CNTNAP5: variants seen among roughly 807,000 people sequenced by gnomAD.
The protein encoded by CNTNAP5 is contactin-associated protein-like 5.
In CNTNAP5, 72 loss-of-function variants were observed where a neutral mutation model predicts 150.2. That is an observed-to-expected ratio of 0.48 (90% confidence interval 0.40 to 0.58). CNTNAP5 has a LOEUF of 0.58. Ranked by LOEUF, CNTNAP5 falls within the 20% of genes least tolerant of loss-of-function variation. The pLI is 0.00. For missense variants in CNTNAP5, 1,636 were observed against 1,626.2 expected (o/e 1.01, Z -0.10); for synonymous variants, 672 against 619.8 (o/e 1.08, Z -1.25).
chr2:124,161,663 G>C (rs1037452279), intron 1 of CNTNAP5, among the ~76,000 whole-genome samples: 3 of 152,130 alleles, frequency 2.0e-5, no homozygotes, highest in Non-Finnish European at 4.4e-5. Context: ...TAAAGAAAAT[G>C]ATTTTGAAAG....
chr2:124,217,131 C>A (rs1439994158), intron 1 of CNTNAP5, among the ~76,000 whole-genome samples: 1 of 152,144 alleles, frequency 6.6e-6, no homozygotes, highest in East Asian at 1.9e-4. Context: ...TTGGTTCATT[C>A]TTGGAAAGTG....
In CNTNAP5 at chr2:124,403,216, C is replaced by T. The variant is rs575978991; in HGVS notation, c.382-14227C>T. Among the ~76,000 whole-genome samples the T allele has an allele frequency of 1.9e-4, 29 of 152,234 alleles. No homozygotes were observed. The South Asian group carries it at 3.7e-3, about 20-fold the overall frequency. ...TATGTAGCTCGAGGTATTAGCAGGT[C>T]GTTGCTTCAGCATACACTGTCATAC... On this transcript the variant is annotated intron_variant, in intron 3 of 23. Transcript: ENST00000682447.
chr2:124,810,604 G>T (rs1002634397), intron 19 of CNTNAP5, among the ~76,000 whole-genome samples: 2 of 152,156 alleles, frequency 1.3e-5, no homozygotes, highest in Non-Finnish European at 2.9e-5. Flanking sequence ...CCATCATGAA[G>T]ATTGCCTGTC....
intron 7 of CNTNAP5, among the ~76,000 whole-genome samples, chr2:124,497,823 C>G (rs1694187729): frequency 6.6e-6 from 1 of 152,096 alleles, no homozygotes; most frequent in African/African-American, 2.4e-5. Context: ...ACATTCAGAC[C>G]ACTGCAGTGG....
rs539355471 is a variant in CNTNAP5, at chr2:124,773,082, A to G, written c.2752+65A>G. On this transcript the variant is annotated intron_variant, in intron 17 of 23. Transcript: ENST00000682447. ...CAAGATCACTGTGTGACCATGCCCA[A>G]GAAAAAATTCTCTTTTATCTGAGAT... 2.8e-4 allele frequency: 358 copies of G among 1,292,286 alleles called. No homozygotes were observed. In the African/African-American group the frequency reaches 4.9e-3, roughly 18 times the overall value. The allele number at this position is 1,292,286 out of a possible 1,614,324, so 80.1% of individuals were successfully genotyped here.
At chr2:124,804,355 C>A (rs951655763) in intron 19 of CNTNAP5, among the ~76,000 whole-genome samples, 1 of 152,188 alleles carries the variant, frequency 6.6e-6, no homozygotes, top group African/African-American at 2.4e-5. Flanking sequence ...TGCTTAGTAG[C>A]ACTGGATCTG....
intron 1 of CNTNAP5, among the ~76,000 whole-genome samples, chr2:124,065,808 G>A (rs1682137921): frequency 6.6e-6 from 1 of 152,102 alleles, no homozygotes; most frequent in East Asian, 1.9e-4. Context: ...CCACAAACTG[G>A]ATGACTCAAA....
At chr2:124,697,225 T>G (rs942633182) in intron 13 of CNTNAP5, among the ~76,000 whole-genome samples, 4 of 152,182 alleles carry the variant, frequency 2.6e-5, no homozygotes, top group Non-Finnish European at 5.9e-5. Context: ...GTGCACTTAT[T>G]GCAATTAATG....
At chr2:124,607,034 C>T (rs1573492864) in intron 11 of CNTNAP5, among the ~76,000 whole-genome samples, 1 of 152,202 alleles carries the variant, frequency 6.6e-6, no homozygotes, top group Admixed American at 6.5e-5. Context: ...TGGATTGTGT[C>T]TTTGAATCCT....
intron 8 of CNTNAP5, among the ~76,000 whole-genome samples, chr2:124,518,820 C>G (rs1222283706): frequency 6.6e-6 from 1 of 151,754 alleles, no homozygotes; most frequent in Non-Finnish European, 1.5e-5. Context: ...AACCCCATCT[C>G]TACTAAAAAT....
intron 17 of CNTNAP5, among the ~76,000 whole-genome samples, chr2:124,781,527 A>T (rs1289824809): frequency 1.3e-5 from 2 of 152,222 alleles, no homozygotes; most frequent in East Asian, 3.9e-4. Context: ...TGTAGGAAGC[A>T]GATCTCTTAC....
intron 1 of CNTNAP5, among the ~76,000 whole-genome samples, chr2:124,066,325 A>G (rs958137892): frequency 6.6e-6 from 1 of 152,124 alleles, no homozygotes; most frequent in Non-Finnish European, 1.5e-5. Flanking sequence ...AAAAGATCAT[A>G]TTTTCTTAAA....
chr2:124,058,961 T>A (rs1458670912), intron 1 of CNTNAP5, among the ~76,000 whole-genome samples: 1 of 152,196 alleles, frequency 6.6e-6, no homozygotes, highest in African/African-American at 2.4e-5. Context: ...AGTAAGCTAT[T>A]GTATCACCAA....
chr2:124,871,090 T>C (rs189612135), intron 21 of CNTNAP5, among the ~76,000 whole-genome samples: 1 of 152,112 alleles, frequency 6.6e-6, no homozygotes, highest in South Asian at 2.1e-4. Flanking sequence ...TAATCATTTT[T>C]ATATTTTTCA....
intron 1 of CNTNAP5, among the ~76,000 whole-genome samples, chr2:124,172,075 C>T (rs1203274248): frequency 6.6e-6 from 1 of 152,132 alleles, no homozygotes; most frequent in East Asian, 1.9e-4. Context: ...TTCCATATCC[C>T]TCATGCCTAT....
At chr2:124,155,755 C>T (rs575335876) in intron 1 of CNTNAP5, among the ~76,000 whole-genome samples, 3 of 152,228 alleles carry the variant, frequency 2.0e-5, no homozygotes, top group East Asian at 3.9e-4. Context: ...TTCACCCATC[C>T]GTTTTTTAGG....
intron 1 of CNTNAP5, among the ~76,000 whole-genome samples, chr2:124,110,531 T>C (rs1183960291): frequency 6.6e-6 from 1 of 152,178 alleles, no homozygotes; most frequent in Non-Finnish European, 1.5e-5. Context: ...AGATGAACAG[T>C]GTCTTCAAAG....
rs753459439 is a variant in CNTNAP5 at position 124,417,469 on chromosome 2, C to A, written c.408C>A (p.Asp136Glu). 2 of 1,613,944 alleles carry A rather than the reference C, an allele frequency of 1.2e-6. No homozygotes were observed. Among genetic ancestry groups the A allele is most frequent in the Admixed American group, 3.3e-5 (2 of 60,016 alleles). Residue 136 changes from aspartate (D) to glutamate (E), a missense_variant, in exon 4 of 24, where the codon GAC becomes GAA. Asp to Glu is a conservative substitution (Grantham distance 45, BLOSUM62 2). Coordinates refer to ENST00000682447, the MANE Select transcript of CNTNAP5 (RefSeq NM_001367498.1). ...IWTFAGNMNA[D>E]SVVHHKLLHS... ...CCTTTGCAGGAAACATGAATGCTGA[C>A]AGCGTGGTGCACCACAAGCTATTGC...
chr2:124,177,642 G>C (rs1365493086), intron 1 of CNTNAP5, among the ~76,000 whole-genome samples: 2 of 152,226 alleles, frequency 1.3e-5, no homozygotes, highest in South Asian at 2.1e-4. Flanking sequence ...GCATGTTTTA[G>C]ATATTTTTAA....
Sources: allele counts gnomAD v4.1 joint callset (sites outside exome capture counted in the v4.1 genomes callset), GRCh38; gene constraint gnomAD v4.1.1; transcripts MANE v1.5; gene names NCBI Gene and HGNC (gene_info 2026-07-23, HGNC 2026-07-21).